The following TNFRSF13B variants were observed in gnomAD, a reference collection of about 807,000 sequenced individuals.
TNFRSF13B encodes the protein tumor necrosis factor receptor superfamily member 13B.
A neutral mutation model predicts 24.0 loss-of-function variants in TNFRSF13B; 34 were observed. That is an observed-to-expected ratio of 1.41 (90% CI 1.08 to 1.88). The LOEUF (loss-of-function observed/expected upper bound fraction) is 1.88. Among genes scored for constraint, TNFRSF13B ranks in the 40% most tolerant of loss-of-function variants. TNFRSF13B has a pLI of 0.00. For missense variants in TNFRSF13B, 415 were observed against 380.8 expected (o/e 1.09, Z -0.75); for synonymous variants, 173 against 150.3 (o/e 1.15, Z -1.10).
intron 3 of TNFRSF13B, chr17:16,940,935 G>A (rs941639786): frequency 9.2e-6 from 10 of 1,086,538 alleles, no homozygotes; most frequent in Middle Eastern, 4.3e-4. Flanking sequence ...GTATCCATGG[G>A]GGACTGGTTC....
At position 16,948,784 on chromosome 17, in the gene TNFRSF13B, C is replaced by T. The variant is rs371292644; in HGVS notation, c.399G>A (p.Ser133=). 42 of 1,614,050 alleles carry T rather than the reference C, an allele frequency of 2.6e-5. No individual in the cohort carries two copies. The highest frequency in any genetic ancestry group is 4.5e-5 in the East Asian group (2 of 44,896). ...TGTGCTCCAATCCTTGGTACCTTCC[C>T]GAGTTGTCTGAATTGTTTTCAACTT... ...SGEVENNSDN[S]GRYQGLEHRG... The change falls in exon 3 of 5, where the codon TCG becomes TCA. Residue 133 remains serine (S), a synonymous_variant. Transcript: ENST00000261652.
intron 3 of TNFRSF13B, chr17:16,941,194 T>C: frequency 1.0e-6 from 1 of 982,134 alleles, no homozygotes; most frequent in Non-Finnish European, 1.2e-6. Context: ...TTTCTGAGTA[T>C]TTTCCAGCTG....
rs141085173 is a variant in TNFRSF13B, at chr17:16,943,780, G to T, written c.446-3269C>A. On this transcript the variant is annotated intron_variant, in intron 3 of 4. Coordinates refer to ENST00000261652, the MANE Select transcript of TNFRSF13B (RefSeq NM_012452.3). The stretch of plus-strand genomic sequence containing the variant: ...CCCCCATGTTGGGGGACAGGGTCCT[G>T]CCCTTGGTGCTTTTCCTCGTCTTCT... 1.6e-3 allele frequency among the ~76,000 whole-genome samples: 251 copies of T among 152,316 alleles called. 1 individual carries two copies. Among genetic ancestry groups the T allele is most frequent in the Non-Finnish European group, 2.9e-3 (197 of 68,024 alleles).
At chr17:16,964,100 G>A (rs551956970) in intron 1 of TNFRSF13B, among the ~76,000 whole-genome samples, 1 of 152,130 alleles carries the variant, frequency 6.6e-6, no homozygotes, top group South Asian at 2.1e-4. Context: ...TGAGGAAGAG[G>A]AGGCAGAAGA....
At chr17:16,951,710 G>T (rs1290278743) in intron 2 of TNFRSF13B, among the ~76,000 whole-genome samples, 2 of 152,062 alleles carry the variant, frequency 1.3e-5, no homozygotes, top group Admixed American at 1.3e-4. Flanking sequence ...CCAACATGGA[G>T]AAACCCCATC....
chr17:16,941,440 G>A (rs1371866600), intron 3 of TNFRSF13B: 2 of 987,562 alleles, frequency 2.0e-6, no homozygotes, highest in Non-Finnish European at 2.4e-6. Flanking sequence ...TATCCCAAAA[G>A]CTCTTCCTTG....
At chr17:16,943,083 C>A (rs979172027) in intron 3 of TNFRSF13B, among the ~76,000 whole-genome samples, 1 of 152,226 alleles carries the variant, frequency 6.6e-6, no homozygotes, top group African/African-American at 2.4e-5. Flanking sequence ...GCATCAGAGT[C>A]AAGCCTCCAA....
intron 1 of TNFRSF13B, among the ~76,000 whole-genome samples, chr17:16,954,347 G>C (rs2087610556): frequency 1.3e-5 from 2 of 152,168 alleles, no homozygotes; most frequent in South Asian, 4.1e-4. Context: ...CCACATCACT[G>C]CACTCCAGCC....
intron 3 of TNFRSF13B, among the ~76,000 whole-genome samples, chr17:16,942,243 GT>G (rs1337354006): frequency 1.3e-5 from 2 of 152,150 alleles, no homozygotes; most frequent in African/African-American, 4.8e-5. Flanking sequence ...CTAAGATATT[GT>G]TCTCGGTCTT....
At chr17:16,954,277 A>G (rs2143665482) in intron 1 of TNFRSF13B, among the ~76,000 whole-genome samples, 1 of 152,304 alleles carries the variant, frequency 6.6e-6, no homozygotes, top group South Asian at 2.1e-4. Flanking sequence ...CCAGCTATTC[A>G]GGAGGCTGAG....
chr17:16,963,144 T>C (rs2087674754), intron 1 of TNFRSF13B, among the ~76,000 whole-genome samples: 1 of 152,216 alleles, frequency 6.6e-6, no homozygotes, highest in Non-Finnish European at 1.5e-5. Flanking sequence ...ATGAGGATGC[T>C]GTTGCTTACT....
chr17:16,950,558 G>A (rs981121211), intron 2 of TNFRSF13B, among the ~76,000 whole-genome samples: 2 of 152,160 alleles, frequency 1.3e-5, no homozygotes, highest in African/African-American at 2.4e-5. Flanking sequence ...CTCTGGCCCT[G>A]CCCTATCCCC....
chr17:16,946,924 T>G (rs1304781888), intron 3 of TNFRSF13B, among the ~76,000 whole-genome samples: 1 of 152,188 alleles, frequency 6.6e-6, no homozygotes, highest in East Asian at 1.9e-4. Context: ...CTGGCAGTTG[T>G]TAATGAACTA....
Position 16,959,920 on chromosome 17 carries a change from C to T in TNFRSF13B, c.62-7337G>A, listed in dbSNP as rs1190231250. The stretch of plus-strand genomic sequence containing the variant: ...AGAATGAACACCAATTCTTCTGAAA[C>T]TCTTCCCAAAAACCAAAGAGAAAAG... On this transcript the variant is annotated intron_variant, in intron 1 of 4. Coordinates refer to ENST00000261652, the MANE Select transcript of TNFRSF13B (RefSeq NM_012452.3). 5.3e-5 allele frequency among the ~76,000 whole-genome samples: 8 copies of T among 152,094 alleles called. 1 individual carries two copies. Among genetic ancestry groups the T allele is most frequent in the African/African-American group, 1.9e-4 (8 of 41,434 alleles).
At chr17:16,959,113 T>G (rs541236184) in intron 1 of TNFRSF13B, among the ~76,000 whole-genome samples, 1 of 152,170 alleles carries the variant, frequency 6.6e-6, no homozygotes, top group Admixed American at 6.5e-5. Flanking sequence ...AAAATTAAAA[T>G]TATTCAAAGT....
At position 16,952,453 on chromosome 17, in the gene TNFRSF13B, G is replaced by A; in HGVS notation, c.192C>T (p.Ala64=). 2 of 1,614,098 alleles carry A rather than the reference G, an allele frequency of 1.2e-6. No homozygotes were observed. Among genetic ancestry groups the A allele is most frequent in the Non-Finnish European group, 1.7e-6 (2 of 1,179,946 alleles). ...CNHQSQRTCA[A]FCRSLSCRKE... is the part of the protein sequence containing the mutation. ...TCAGGCCCCAGAACTCACTGCAGAAGGCTGCACAGGTGCGCTGGCTCTGAT... is the reference window on the plus strand; with the variant it reads ...TCAGGCCCCAGAACTCACTGCAGAAAGCTGCACAGGTGCGCTGGCTCTGAT... The change falls in exon 2 of 5, where the codon GCC becomes GCT. Residue 64 remains alanine (A), a synonymous_variant. Transcript: ENST00000261652.
chr17:16,967,276 C>T (rs1390360978), intron 1 of TNFRSF13B, among the ~76,000 whole-genome samples: 1 of 152,044 alleles, frequency 6.6e-6, no homozygotes, highest in Non-Finnish European at 1.5e-5. Flanking sequence ...AGGAAGCTCT[C>T]TGTATGTTGC....
At chr17:16,946,371 C>T (rs2087547734) in intron 3 of TNFRSF13B, among the ~76,000 whole-genome samples, 1 of 152,106 alleles carries the variant, frequency 6.6e-6, no homozygotes, top group Admixed American at 6.5e-5. Flanking sequence ...CACGGCATCC[C>T]TCTTCTGTCC....
At chr17:16,944,303 T>TTCAAA (rs1204782461) in intron 3 of TNFRSF13B, among the ~76,000 whole-genome samples, 5 of 152,138 alleles carry the variant, frequency 3.3e-5, no homozygotes, top group Admixed American at 3.3e-4. Flanking sequence ...ACCGTGTGGC[T>TTCAAA]TCAACATAGT....
Sources: gnomAD v4.1 joint callset for allele counts (sites outside exome capture counted in the v4.1 genomes callset) on GRCh38, gnomAD v4.1.1 for gene constraint, MANE v1.5 for transcripts, NCBI Gene and HGNC (gene_info 2026-07-23, HGNC 2026-07-21) for gene names.